The following ATXN1 variants were observed in gnomAD, a reference collection of about 807,000 sequenced individuals.
The protein encoded by ATXN1 is ataxin-1.
Under a neutral mutation model 56.4 loss-of-function variants are expected in ATXN1, and 8 were observed. That is an observed-to-expected ratio of 0.14 (90% CI 0.08 to 0.26). The LOEUF is 0.26. Ranked by LOEUF, ATXN1 falls within the 10% of genes least tolerant of loss-of-function variation. ATXN1 has a pLI of 1.00. For synonymous variants in ATXN1, 514 were observed against 494.6 expected, an observed-to-expected ratio of 1.04 and a Z score of -0.52; for missense variants, 987 against 1,106.5, an observed-to-expected ratio of 0.89 and a Z score of 1.53.
chr6:16,671,305 C>CTT (rs142311437), intron 2 of ATXN1, among the ~76,000 whole-genome samples: 10 of 73,510 alleles, frequency 1.4e-4, no homozygotes, highest in South Asian at 4.8e-4. Flanking sequence ...CTTTTCTTTT[C>CTT]TTTCTTTTTT....
At chr6:16,437,757 C>T (rs1489486858) in intron 6 of ATXN1, among the ~76,000 whole-genome samples, 1 of 152,216 alleles carries the variant, frequency 6.6e-6, no homozygotes, top group Non-Finnish European at 1.5e-5. Context: ...CTCTTCATCT[C>T]TTCCTAAATG....
At chr6:16,391,126 C>T (rs147852540) in intron 6 of ATXN1, among the ~76,000 whole-genome samples, 13,708 of 139,200 alleles carry the variant, frequency 0.098, 695 homozygotes, top group Non-Finnish European at 0.12. Context: ...TGCGTCACTG[C>T]ACTCCAGCCT....
intron 6 of ATXN1, among the ~76,000 whole-genome samples, chr6:16,340,591 AATT>A (rs1761223986): frequency 6.6e-6 from 1 of 152,164 alleles, no homozygotes; most frequent in African/African-American, 2.4e-5. Flanking sequence ...CCTTTTACTG[AATT>A]ATCAAAACGG....
At chr6:16,682,443 C>T (rs908664260) in intron 2 of ATXN1, among the ~76,000 whole-genome samples, 7 of 151,874 alleles carry the variant, frequency 4.6e-5, no homozygotes, top group Non-Finnish European at 5.9e-5. Context: ...GTGATCTGTC[C>T]GCCTCGGCCT....
intron 6 of ATXN1, among the ~76,000 whole-genome samples, chr6:16,440,237 G>A (rs530644713): frequency 4.6e-5 from 7 of 151,978 alleles, no homozygotes; most frequent in Admixed American, 3.3e-4. Context: ...AAATTAGCCA[G>A]GCGTGGTGGC....
chr6:16,536,009 G>T (rs1428731554), intron 4 of ATXN1, among the ~76,000 whole-genome samples: 3 of 151,882 alleles, frequency 2.0e-5, no homozygotes, highest in Non-Finnish European at 4.4e-5. Flanking sequence ...CCAGAAGTTT[G>T]ACACCAGCCT....
At chr6:16,744,694 G>A (rs1331438513) in intron 2 of ATXN1, among the ~76,000 whole-genome samples, 3 of 152,150 alleles carry the variant, frequency 2.0e-5, no homozygotes, top group Non-Finnish European at 4.4e-5. Context: ...GTTCCCAAGG[G>A]GAAAAGTGAG....
intron 6 of ATXN1, chr6:16,433,244 A>G (rs1759322270): frequency 6.6e-6 from 1 of 152,198 alleles, no homozygotes; most frequent in East Asian, 1.9e-4. Context: ...GCATCTGAGT[A>G]CATTATCTAC....
intron 5 of ATXN1, among the ~76,000 whole-genome samples, chr6:16,491,699 A>G (rs896299491): frequency 2.6e-5 from 4 of 152,204 alleles, no homozygotes; most frequent in Non-Finnish European, 5.9e-5. Flanking sequence ...CCAGTTAGTC[A>G]GTGGGACAGT....
chr6:16,375,034 C>G (rs1762115990), intron 6 of ATXN1, among the ~76,000 whole-genome samples: 1 of 152,192 alleles, frequency 6.6e-6, no homozygotes, highest in Non-Finnish European at 1.5e-5. Context: ...GCCCACTCAC[C>G]CACCTACCCC....
chr6:16,434,546 C>T (rs1038938517), intron 6 of ATXN1, among the ~76,000 whole-genome samples: 5 of 152,196 alleles, frequency 3.3e-5, no homozygotes, highest in African/African-American at 1.2e-4. Flanking sequence ...GTTAATGTTT[C>T]TTTGATGACT....
intron 4 of ATXN1, among the ~76,000 whole-genome samples, chr6:16,571,777 A>G (rs1365197636): frequency 6.6e-6 from 1 of 151,948 alleles, no homozygotes; most frequent in African/African-American, 2.4e-5. Flanking sequence ...CCTCCTACAT[A>G]AGCCTCCCAA....
intron 6 of ATXN1, among the ~76,000 whole-genome samples, chr6:16,387,788 T>C (rs1230497674): frequency 6.6e-6 from 1 of 152,186 alleles, no homozygotes; most frequent in African/African-American, 2.4e-5. Flanking sequence ...CTATCAGATA[T>C]CTCCTGTCAA....
intron 3 of ATXN1, among the ~76,000 whole-genome samples, chr6:16,617,242 A>G (rs1233737690): frequency 6.6e-6 from 1 of 152,198 alleles, no homozygotes; most frequent in Non-Finnish European, 1.5e-5. Flanking sequence ...CTAAAAAACT[A>G]AAGGAAAAAC....
chr6:16,416,863 T>C (rs918711344), intron 6 of ATXN1, among the ~76,000 whole-genome samples: 3 of 152,192 alleles, frequency 2.0e-5, no homozygotes, highest in Admixed American at 6.5e-5. Flanking sequence ...CCGTGTATCA[T>C]TGCATACTCA....
chr6:16,356,027 TC>T (rs1335047844), intron 6 of ATXN1, among the ~76,000 whole-genome samples: 1 of 152,222 alleles, frequency 6.6e-6, no homozygotes, highest in Non-Finnish European at 1.5e-5. Context: ...ACCATTCTCC[TC>T]CTGAGAGCTC....
At chr6:16,671,309 C>CTTTTTTT (rs1004376884) in intron 2 of ATXN1, among the ~76,000 whole-genome samples, 1 of 29,706 alleles carries the variant, frequency 3.4e-5, no homozygotes, top group African/African-American at 9.3e-5. Flanking sequence ...TCTTTTCTTT[C>CTTTTTTT]TTTTTTTTTT....
intron 4 of ATXN1, among the ~76,000 whole-genome samples, chr6:16,526,078 C>T (rs970082735): frequency 4.3e-5 from 5 of 116,420 alleles, no homozygotes; most frequent in Non-Finnish European, 8.6e-5. Context: ...TACATACAAT[C>T]TATTTATAAT....
rs1369806493 is a variant in ATXN1, at chr6:16,760,087, T to C, written c.-730+1211A>G. On this transcript the variant is annotated intron_variant, in intron 1 of 7. Transcript: ENST00000436367. The surrounding 1 kb of genome is among the most constrained non-coding windows in gnomAD (Gnocchi z 5.3). ...GCTCCGCCCGTCCGGCCCCCTTCCC[T>C]GCCCCCTGCGGGACCGGCCTGCGCG... 6.6e-6 allele frequency among the ~76,000 whole-genome samples: 1 copy of C among 151,528 alleles called. No individual in the cohort carries two copies. The highest frequency in any genetic ancestry group is 1.5e-5 in the Non-Finnish European group (1 of 67,832).
Sources: gnomAD v4.1 joint callset for allele counts (sites outside exome capture counted in the v4.1 genomes callset) on GRCh38, gnomAD v4.1.1 for gene constraint, Gnocchi (gnomAD v3.1) non-coding constraint, MANE v1.5 for transcripts, NCBI Gene and HGNC (gene_info 2026-07-23, HGNC 2026-07-21) for gene names.